SIPA1L2: variants seen among roughly 807,000 people sequenced by gnomAD.
The protein encoded by SIPA1L2 is signal-induced proliferation-associated 1-like protein 2.
Under a neutral mutation model 163.9 loss-of-function variants are expected in SIPA1L2, and 56 were observed. That is an observed-to-expected ratio of 0.34 (90% CI 0.28 to 0.43). The LOEUF is 0.43. Among genes scored for constraint, SIPA1L2 ranks in the 20% least tolerant of loss-of-function variants. The pLI is 1.00. For synonymous variants in SIPA1L2, 877 were observed against 865.7 expected, an observed-to-expected ratio of 1.01 and a Z score of -0.23; for missense variants, 1,974 against 2,193.5, an observed-to-expected ratio of 0.90 and a Z score of 2.00.
chr1:232,463,936 GT>G (rs952285932), intron 9 of SIPA1L2, among the ~76,000 whole-genome samples: 1 of 151,986 alleles, frequency 6.6e-6, no homozygotes, highest in Non-Finnish European at 1.5e-5. Context: ...CTTATACATG[GT>G]CTCTAATAAC....
intron 1 of SIPA1L2, among the ~76,000 whole-genome samples, chr1:232,597,418 C>T (rs1378604157): frequency 6.6e-6 from 1 of 151,766 alleles, no homozygotes; most frequent in Non-Finnish European, 1.5e-5. Flanking sequence ...TGGCTCACAC[C>T]TGTAATCCCA....
chr1:232,466,374 T>C (rs1038356891), intron 8 of SIPA1L2, among the ~76,000 whole-genome samples: 3 of 152,242 alleles, frequency 2.0e-5, no homozygotes, highest in African/African-American at 7.2e-5. Context: ...AAATGCATAG[T>C]GTTAATAACG....
intron 2 of SIPA1L2, among the ~76,000 whole-genome samples, chr1:232,564,774 C>G (rs958584021): frequency 4.6e-5 from 7 of 152,014 alleles, no homozygotes; most frequent in Admixed American, 1.3e-4. Context: ...TAAATTAATA[C>G]ATATTAATAT....
chr1:232,419,637 C>G (rs1456011449), intron 18 of SIPA1L2, among the ~76,000 whole-genome samples: 3 of 152,184 alleles, frequency 2.0e-5, no homozygotes, highest in Admixed American at 6.5e-5. Context: ...CCTGCTCCCC[C>G]CTCTACCTTC....
chr1:232,544,648 A>G (rs1274170251), intron 2 of SIPA1L2, among the ~76,000 whole-genome samples: 4 of 152,182 alleles, frequency 2.6e-5, no homozygotes, highest in South Asian at 4.1e-4. Flanking sequence ...AGGCTTGGTC[A>G]AAGTGATTAA....
At chr1:232,615,166 T>C (rs984763717) in intron 1 of SIPA1L2, among the ~76,000 whole-genome samples, 1 of 152,158 alleles carries the variant, frequency 6.6e-6, no homozygotes, top group Non-Finnish European at 1.5e-5. Context: ...CCAAGAATGG[T>C]GGCCACACTC....
intron 1 of SIPA1L2, among the ~76,000 whole-genome samples, chr1:232,628,857 G>T (rs1213346183): frequency 6.6e-6 from 1 of 152,036 alleles, no homozygotes; most frequent in Non-Finnish European, 1.5e-5. Context: ...AAATCTGTGC[G>T]ACTATTTTGA....
chr1:232,445,464 C>G (rs917976144), intron 11 of SIPA1L2, 65 bp downstream of exon 11: 1 of 1,602,278 alleles, frequency 6.2e-7, no homozygotes, highest in Non-Finnish European at 8.5e-7. Context: ...ACCCTCCCTA[C>G]AATGTCAAGT....
At chr1:232,506,312 C>A (rs1246545374) in intron 3 of SIPA1L2, among the ~76,000 whole-genome samples, 1 of 152,152 alleles carries the variant, frequency 6.6e-6, no homozygotes, top group African/African-American at 2.4e-5. Context: ...AAGCCCTTTA[C>A]AGGGGGGATT....
chr1:232,420,722 C>A (rs750416541), intron 18 of SIPA1L2, among the ~76,000 whole-genome samples: 3 of 151,738 alleles, frequency 2.0e-5, no homozygotes, highest in Non-Finnish European at 4.4e-5. Context: ...GTAGTCCCAG[C>A]TACTCGGGGG....
intron 1 of SIPA1L2, among the ~76,000 whole-genome samples, chr1:232,576,876 T>C (rs1051084015): frequency 6.6e-6 from 1 of 152,192 alleles, no homozygotes; most frequent in African/African-American, 2.4e-5. Context: ...AGAAAGGCCC[T>C]AATACTCTTC....
chr1:232,429,037 G>A (rs1662071691), intron 16 of SIPA1L2, among the ~76,000 whole-genome samples: 1 of 152,182 alleles, frequency 6.6e-6, no homozygotes, highest in African/African-American at 2.4e-5. Context: ...TCACACGTGT[G>A]CTAAGCATGT....
chr1:232,556,724 TA>T (rs34422182), intron 2 of SIPA1L2, among the ~76,000 whole-genome samples: 397 of 145,014 alleles, frequency 2.7e-3, no homozygotes, highest in African/African-American at 3.8e-3. Flanking sequence ...TACAAACAGT[TA>T]AAAAAAAAAA....
At chr1:232,418,105 C>A (rs1368502339) in intron 18 of SIPA1L2, among the ~76,000 whole-genome samples, 2 of 152,214 alleles carry the variant, frequency 1.3e-5, no homozygotes, top group East Asian at 1.9e-4. Context: ...CAGCTTCTGG[C>A]ATTCTTGAAG....
intron 3 of SIPA1L2, among the ~76,000 whole-genome samples, chr1:232,507,598 G>GT (rs1666787143): frequency 6.6e-6 from 1 of 152,208 alleles, no homozygotes; most frequent in Non-Finnish European, 1.5e-5. Context: ...ATTCACTAAT[G>GT]TATTTGGTAA....
chr1:232,406,298 T>C (rs905313844), intron 19 of SIPA1L2, among the ~76,000 whole-genome samples: 8 of 152,192 alleles, frequency 5.3e-5, no homozygotes, highest in African/African-American at 1.9e-4. Flanking sequence ...ACAGATCCAA[T>C]CACCCACACT....
chr1:232,485,361 G>T (rs1665595230), intron 5 of SIPA1L2, among the ~76,000 whole-genome samples: 1 of 152,134 alleles, frequency 6.6e-6, no homozygotes, highest in South Asian at 2.1e-4. Context: ...GAGATGGTGT[G>T]CATACACTAC....
intron 5 of SIPA1L2, among the ~76,000 whole-genome samples, chr1:232,487,582 T>TATA (rs1271070878): frequency 6.6e-6 from 1 of 152,206 alleles, no homozygotes; most frequent in African/African-American, 2.4e-5. Flanking sequence ...AGTCATCCTC[T>TATA]ATAATTTTAT....
intron 3 of SIPA1L2, among the ~76,000 whole-genome samples, chr1:232,498,211 C>G (rs1666294992): frequency 6.6e-6 from 1 of 152,000 alleles, no homozygotes. Context: ...TGGTATTGTC[C>G]AAAAGTAATG....
Sources: allele counts gnomAD v4.1 joint callset (sites outside exome capture counted in the v4.1 genomes callset), GRCh38; gene constraint gnomAD v4.1.1; transcripts MANE v1.5; gene names NCBI Gene and HGNC (gene_info 2026-07-23, HGNC 2026-07-21).